KLF3: variants seen among roughly 807,000 people sequenced by gnomAD.
KLF3 encodes Krueppel-like factor 3.
KLF3 carries 6 observed loss-of-function variants against 32.7 expected under a neutral mutation model. The ratio of observed to expected loss-of-function variants is 0.18; its 90% CI spans 0.10 to 0.36. The LOEUF is 0.36. Among genes scored for constraint, KLF3 ranks in the 10% least tolerant of loss-of-function variants. KLF3 has a pLI of 1.00. For synonymous variants in KLF3, 145 were observed against 172.8 expected (o/e 0.84, Z 1.26); for missense variants, 338 against 449.7 (o/e 0.75, Z 2.25).
chr4:38,698,007 G>C lies in KLF3; in HGVS notation c.*744G>C, dbSNP rs974432644. The C allele has an allele frequency of 6.6e-6, 1 of 152,236 alleles. No homozygotes were observed. The highest frequency in any genetic ancestry group is 1.5e-5 in the Non-Finnish European group (1 of 68,074). The allele number at this position is 152,236 out of a possible 1,614,324, so 9.4% of individuals were successfully genotyped here. A position where few individuals can be genotyped will look rare whatever the true frequency, so the allele number is the denominator to read the frequency against. On this transcript the variant is annotated 3_prime_UTR_variant, in exon 6 of 6. Coordinates refer to ENST00000261438, the MANE Select transcript of KLF3 (RefSeq NM_016531.6). ...GCCATTTAGCAGGGGGAGCAGAAGA[G>C]GCAATTCCTCCTGGGCTAGGGGTTG... is the stretch of plus-strand genomic sequence containing the variant.
intron 4 of KLF3, among the ~76,000 whole-genome samples, chr4:38,691,763 G>T (rs977651580): frequency 6.6e-6 from 1 of 152,176 alleles, no homozygotes; most frequent in East Asian, 1.9e-4. Flanking sequence ...CCACAGCTGG[G>T]ACATGTACTC....
At chr4:38,682,215 C>T (rs952846878) in intron 2 of KLF3, among the ~76,000 whole-genome samples, 2 of 152,310 alleles carry the variant, frequency 1.3e-5, no homozygotes, top group Non-Finnish European at 1.5e-5. Context: ...CATGCCACCA[C>T]GCCCGGCTAA....
chr4:38,665,143 C>T (rs1579112516), intron 1 of KLF3, among the ~76,000 whole-genome samples: 1 of 152,126 alleles, frequency 6.6e-6, no homozygotes, highest in East Asian at 1.9e-4. Context: ...AGCCCAGGAG[C>T]TGCCAGGGCG....
Position 38,671,635 on chromosome 4 carries a change from G to A in KLF3, c.-40+7174G>A, listed in dbSNP as rs1722201931. ...GGTGTGCCAAGGCCACCAGTCTTAA[G>A]TCAGACTACCTTGGGTTCAAGTCCT... On this transcript the variant is annotated intron_variant, in intron 1 of 5. Coordinates refer to ENST00000261438, the MANE Select transcript of KLF3 (RefSeq NM_016531.6). This position sits in a 1 kb window ranked among gnomAD's most constrained non-coding sequence, Gnocchi z 4.4. 6.6e-6 allele frequency among the ~76,000 whole-genome samples: 1 copy of A among 152,204 alleles called. No homozygotes were observed. The highest frequency in any genetic ancestry group is 2.4e-5 in the African/African-American group (1 of 41,432).
At chr4:38,689,311 TG>T (rs1324398418) in intron 3 of KLF3, among the ~76,000 whole-genome samples, 1 of 152,212 alleles carries the variant, frequency 6.6e-6, no homozygotes, top group African/African-American at 2.4e-5. Flanking sequence ...ATGGTCAACT[TG>T]GGGATAGAAA....
At chr4:38,669,167 A>C (rs1722128669) in intron 1 of KLF3, among the ~76,000 whole-genome samples, 1 of 152,244 alleles carries the variant, frequency 6.6e-6, no homozygotes, top group Non-Finnish European at 1.5e-5. Context: ...TTACAATTAC[A>C]TTATTCTGGA....
chr4:38,694,002 C>T (rs1020991271), intron 4 of KLF3, among the ~76,000 whole-genome samples: 4 of 152,096 alleles, frequency 2.6e-5, no homozygotes, highest in African/African-American at 7.2e-5. Context: ...ATGGGGGAGC[C>T]GGCACCACGT....
At chr4:38,676,038 C>CAT (rs1440428771) in intron 1 of KLF3, among the ~76,000 whole-genome samples, 1 of 152,168 alleles carries the variant, frequency 6.6e-6, no homozygotes, top group African/African-American at 2.4e-5. Context: ...TTTGCAAATA[C>CAT]ATAAACAGAA....
chr4:38,684,305 C>A (rs948798353), intron 2 of KLF3, among the ~76,000 whole-genome samples: 2 of 152,126 alleles, frequency 1.3e-5, no homozygotes, highest in African/African-American at 4.8e-5. Flanking sequence ...TTATTCTTCA[C>A]CTTATCAGTA....
intron 4 of KLF3, among the ~76,000 whole-genome samples, chr4:38,692,653 G>C (rs1422671841): frequency 6.6e-6 from 1 of 152,124 alleles, no homozygotes; most frequent in Non-Finnish European, 1.5e-5. Context: ...GACAGAGCTG[G>C]ATTTGTAACT....
At chr4:38,689,497 C>G (rs1017705525) in intron 3 of KLF3, among the ~76,000 whole-genome samples, 1 of 152,146 alleles carries the variant, frequency 6.6e-6, no homozygotes, top group South Asian at 2.1e-4. Flanking sequence ...ATTATAAGAA[C>G]GAATCATTTC....
chr4:38,676,738 T>A (rs1210568648), intron 1 of KLF3, among the ~76,000 whole-genome samples: 1 of 152,152 alleles, frequency 6.6e-6, no homozygotes, highest in Non-Finnish European at 1.5e-5. Context: ...CACGGACTTT[T>A]TTTTTAATGT....
chr4:38,700,719 T>G lies in KLF3; in HGVS notation c.*3456T>G, dbSNP rs1284514772. 1 of 152,242 alleles carries G rather than the reference T, an allele frequency of 6.6e-6. No individual in the cohort carries two copies. The highest frequency in any genetic ancestry group is 2.4e-5 in the African/African-American group (1 of 41,474). 9.4% of individuals were successfully genotyped at this position (152,242 alleles called of 1,614,324 possible). On this transcript the variant is annotated 3_prime_UTR_variant, in exon 6 of 6. Transcript: ENST00000261438. ...TATAGCAGGATTATTACATTTACAG[T>G]ACTTTAATACTTGTATAAACTATGC... is the stretch of plus-strand genomic sequence containing the variant.
Position 38,696,346 on chromosome 4 carries a change from C to T in KLF3, c.857-736C>T, listed in dbSNP as rs184436763. On this transcript the variant is annotated intron_variant, in intron 5 of 5. Transcript: ENST00000261438. ...TTAAATGGGAGTTAATTTTGTCATACTCATGACCCTTATGACTAATTTAAA... is the reference window on the plus strand; with the variant it reads ...TTAAATGGGAGTTAATTTTGTCATATTCATGACCCTTATGACTAATTTAAA... Among the ~76,000 whole-genome samples, 63 of 152,248 alleles carry T rather than the reference C, an allele frequency of 4.1e-4. No individual in the cohort carries two copies. In the East Asian group the frequency reaches 5.2e-3, roughly 13 times the overall value.
Position 38,664,470 on chromosome 4 carries a change from C to G in KLF3, c.-40+9C>G, listed in dbSNP as rs994770815. ...GCACCGCGCCTCGCAAAGTAAGTCC[C>G]GTCTCCCTCACCTCTGCTCCGCACC... On this transcript the variant is annotated intron_variant, in intron 1 of 5. Coordinates refer to ENST00000261438, the MANE Select transcript of KLF3 (RefSeq NM_016531.6). 2 of 152,322 alleles carry G rather than the reference C, an allele frequency of 1.3e-5. No homozygotes were observed. The highest frequency in any genetic ancestry group is 4.1e-4 in the South Asian group (2 of 4,834). The allele number at this position is 152,322 out of a possible 1,614,324, so 9.4% of individuals were successfully genotyped here. A position where few individuals can be genotyped will look rare whatever the true frequency, so the allele number is the denominator to read the frequency against.
intron 2 of KLF3, among the ~76,000 whole-genome samples, chr4:38,682,890 A>C (rs1722572604): frequency 6.6e-6 from 1 of 152,134 alleles, no homozygotes; most frequent in Non-Finnish European, 1.5e-5. Context: ...AGTTACTGTC[A>C]GTCCTTTAAA....
At chr4:38,690,508 G>A (rs906101858) in intron 4 of KLF3, 5 of 152,176 alleles carry the variant, frequency 3.3e-5, no homozygotes, top group African/African-American at 4.8e-5. Flanking sequence ...GATGGTTTTC[G>A]GGTCCAACAA....
In KLF3 at chr4:38,680,702, A is replaced by G. The variant is rs1436874607; in HGVS notation, c.57+20A>G. 1 of 1,581,814 alleles carries G rather than the reference A, an allele frequency of 6.3e-7. No homozygotes were observed. The highest frequency in any genetic ancestry group is 8.7e-7 in the Non-Finnish European group (1 of 1,150,738). On this transcript the variant is annotated intron_variant, in intron 2 of 5. Transcript: ENST00000261438. ...TCAGTGGTAAGTTTTCCAAGATTGA[A>G]CACCTCGCCTTATTTTTTCCAAGTG... is the stretch of plus-strand genomic sequence containing the variant.
intron 2 of KLF3, among the ~76,000 whole-genome samples, chr4:38,687,551 G>T (rs1040728000): frequency 3.3e-5 from 5 of 152,112 alleles, no homozygotes; most frequent in African/African-American, 1.2e-4. Context: ...CCAGATCTTG[G>T]GAAGGAAACA....
Sources: allele counts gnomAD v4.1 joint callset (sites outside exome capture counted in the v4.1 genomes callset), GRCh38; gene constraint gnomAD v4.1.1; non-coding constraint Gnocchi (gnomAD v3.1); transcripts MANE v1.5; gene names NCBI Gene and HGNC (gene_info 2026-07-23, HGNC 2026-07-21).